The following SPIRE1 variants were observed in gnomAD, a reference collection of about 807,000 sequenced individuals.
SPIRE1 encodes the protein protein spire homolog 1.
Under a neutral mutation model 94.1 loss-of-function variants are expected in SPIRE1, and 40 were observed. The observed-to-expected ratio is 0.43, with a 90% CI of 0.33 to 0.55. SPIRE1 has a LOEUF of 0.55. Among genes scored for constraint, SPIRE1 ranks in the 20% least tolerant of loss-of-function variants. The probability of loss-of-function intolerance (pLI) is 0.06; values close to 1 mark genes in which losing one functional copy is unlikely to be tolerated. For missense variants in SPIRE1, 838 were observed against 975.2 expected, an observed-to-expected ratio of 0.86 and a Z score of 1.87; for synonymous variants, 376 against 371.7, an observed-to-expected ratio of 1.01 and a Z score of -0.13.
chr18:12,657,321 C>T (rs1105122), intron 1 of SPIRE1, among the ~76,000 whole-genome samples: 11,355 of 151,200 alleles, frequency 0.075, 598 homozygotes, highest in Middle Eastern at 0.16. Context: ...CGCCGTCGCC[C>T]GCCACGAGGC....
At chr18:12,635,198 T>C (rs749742074) in intron 1 of SPIRE1, 102 bp from the exon 2 acceptor site, 26 of 618,844 alleles carry the variant, frequency 4.2e-5, no homozygotes, top group South Asian at 2.1e-4. Flanking sequence ...ATTATGTCTA[T>C]GAGAATATCT....
intron 5 of SPIRE1, among the ~76,000 whole-genome samples, chr18:12,510,315 A>G (rs1039493630): frequency 1.3e-5 from 2 of 152,084 alleles, no homozygotes; most frequent in Non-Finnish European, 2.9e-5. Context: ...GAATATATAT[A>G]TGTACAAAAT....
At chr18:12,585,136 C>A (rs12958301) in intron 2 of SPIRE1, among the ~76,000 whole-genome samples, 11,184 of 152,030 alleles carry the variant, frequency 0.074, 575 homozygotes, top group Non-Finnish European at 0.11. Flanking sequence ...CACCTCCTCC[C>A]AAAAAAACTT....
At chr18:12,501,515 C>CT (rs2033665271) in intron 6 of SPIRE1, among the ~76,000 whole-genome samples, 1 of 152,196 alleles carries the variant, frequency 6.6e-6, no homozygotes, top group Admixed American at 6.5e-5. Flanking sequence ...TCCCGAGTGG[C>CT]TGGGACTACA....
intron 10 of SPIRE1, among the ~76,000 whole-genome samples, chr18:12,475,959 T>C (rs750909501): frequency 6.6e-6 from 1 of 152,162 alleles, no homozygotes. Flanking sequence ...ACAGTTTGAG[T>C]TTCCAGGTGT....
At position 12,657,785 on chromosome 18, in the gene SPIRE1, C is replaced by T. The variant is rs1340712409; in HGVS notation, c.82G>A (p.Ala28Thr). Residue 28 changes from alanine (A) to threonine (T), a missense_variant, in exon 1 of 17, where the codon GCA becomes ACA. By Grantham distance (58) the Ala-to-Thr change is moderately conservative (BLOSUM62 0). Coordinates refer to ENST00000409402, the MANE Select transcript of SPIRE1 (RefSeq NM_001128626.2). ...VGGEGPREPGAAGGAAGGSRD... is the reference protein window; with the variant it reads ...VGGEGPREPGTAGGAAGGSRD... ...GAGCCCCCGGCCGCGCCGCCGGCTG[C>T]CCCGGGCTCCCGCGGCCCCTCGCCG... The T allele has an allele frequency of 3.1e-6, 4 of 1,300,524 alleles. No homozygotes were observed. The South Asian group carries it at 6.0e-5, about 19-fold the overall frequency. 80.6% of individuals were successfully genotyped at this position (1,300,524 alleles called of 1,614,324 possible).
rs1568184411 is a variant in SPIRE1, at chr18:12,461,598, C to CATACATATGTATATACATACAT, written c.1638+1752_1638+1753insATGTATGTATATACATATGTAT. Among the ~76,000 whole-genome samples, 328 of 57,312 alleles carry CATACATATGTATATACATACAT rather than the reference C, an allele frequency of 5.7e-3. 1 individual carries two copies. The highest frequency in any genetic ancestry group is 0.013 in the African/African-American group (261 of 20,202). The allele number at this position is 57,312 out of a possible 152,430, so 37.6% of individuals were successfully genotyped here. On this transcript the variant is annotated intron_variant, in intron 12 of 16. Coordinates refer to ENST00000409402, the MANE Select transcript of SPIRE1 (RefSeq NM_001128626.2). ...ACATACATATGTATATACATACATA[C>CATACATATGTATATACATACAT]ACACACATATACACACACATACACA...
At chr18:12,535,722 C>CG in intron 3 of SPIRE1, 121 bp from the exon 4 acceptor site, 4 of 756,916 alleles carry the variant, frequency 5.3e-6, no homozygotes, top group Non-Finnish European at 8.4e-6. Context: ...TTTGGGAGGC[C>CG]AACGCAGGCA....
chr18:12,453,165 A>C, intron 13 of SPIRE1, 27 bp from the exon 14 acceptor site: 2 of 1,546,590 alleles, frequency 1.3e-6, no homozygotes, highest in African/African-American at 1.4e-5. Flanking sequence ...TAAGAGGAAA[A>C]AAAACATTGC....
intron 5 of SPIRE1, among the ~76,000 whole-genome samples, 161 bp downstream of exon 5, chr18:12,512,293 G>A (rs12955841): frequency 2.0e-5 from 3 of 152,056 alleles, no homozygotes; most frequent in African/African-American, 7.2e-5. Context: ...GAACCCAGGA[G>A]GCGGGGGTTG....
intron 10 of SPIRE1, among the ~76,000 whole-genome samples, chr18:12,478,279 G>T (rs551971711): frequency 1.6e-4 from 25 of 152,102 alleles, no homozygotes; most frequent in African/African-American, 5.1e-4. Context: ...GTGCATGTGT[G>T]TAGCTAGGGT....
intron 2 of SPIRE1, among the ~76,000 whole-genome samples, chr18:12,623,374 C>A (rs1467329289): frequency 1.3e-5 from 2 of 152,082 alleles, no homozygotes; most frequent in East Asian, 3.9e-4. Flanking sequence ...AGGATGGTCT[C>A]AATCTCCTGA....
chr18:12,522,386 C>T (rs1416636991), intron 4 of SPIRE1, among the ~76,000 whole-genome samples: 1 of 152,102 alleles, frequency 6.6e-6, no homozygotes, highest in Non-Finnish European at 1.5e-5. Context: ...AAGTTTGAAG[C>T]TAACAGAGAT....
intron 2 of SPIRE1, among the ~76,000 whole-genome samples, chr18:12,615,556 A>AAAAAAAAAAAAAAAAAAAAC: frequency 6.8e-6 from 1 of 147,050 alleles, no homozygotes; most frequent in East Asian, 2.0e-4. Context: ...AAAAAAAAAA[A>AAAAAAAAAAAAAAAAAAAAC]TCCCAAATTT....
chr18:12,470,817 G>A (rs1442860876), intron 10 of SPIRE1, among the ~76,000 whole-genome samples: 1 of 151,888 alleles, frequency 6.6e-6, no homozygotes, highest in Non-Finnish European at 1.5e-5. Flanking sequence ...TGTGTTTTTT[G>A]TCTGATCTCA....
chr18:12,535,717 G>T (rs1027733909), intron 3 of SPIRE1, 116 bp from the exon 4 acceptor site: 2 of 862,410 alleles, frequency 2.3e-6, no homozygotes, highest in Non-Finnish European at 3.5e-6. Flanking sequence ...AGCACTTTGG[G>T]AGGCCAACGC....
intron 2 of SPIRE1, among the ~76,000 whole-genome samples, chr18:12,554,467 GATAA>G (rs1417796547): frequency 2.6e-5 from 4 of 152,062 alleles, no homozygotes; most frequent in African/African-American, 9.7e-5. Context: ...AACCTGAACA[GATAA>G]ATAATAAGTA....
At chr18:12,579,596 T>G (rs1436827007) in intron 2 of SPIRE1, among the ~76,000 whole-genome samples, 1 of 152,222 alleles carries the variant, frequency 6.6e-6, no homozygotes, top group Non-Finnish European at 1.5e-5. Context: ...GCCACTGAAC[T>G]ATACAATCAA....
intron 10 of SPIRE1, among the ~76,000 whole-genome samples, chr18:12,466,841 A>G (rs950505782): frequency 8.5e-5 from 13 of 152,196 alleles, no homozygotes; most frequent in African/African-American, 3.1e-4. Context: ...GCATAAAGTA[A>G]CTTTTAAGAA....
Sources: allele counts gnomAD v4.1 joint callset (sites outside exome capture counted in the v4.1 genomes callset), GRCh38; gene constraint gnomAD v4.1.1; transcripts MANE v1.5; gene names NCBI Gene and HGNC (gene_info 2026-07-23, HGNC 2026-07-21).